NELFA: variants seen among roughly 807,000 people sequenced by gnomAD.
The protein encoded by NELFA is negative elongation factor A.
A neutral mutation model predicts 51.8 loss-of-function variants in NELFA; 35 were observed. The ratio of observed to expected loss-of-function variants is 0.68; its 90% CI spans 0.52 to 0.90. The LOEUF (loss-of-function observed/expected upper bound fraction) is 0.90, where lower values mean the gene tolerates loss of function less well. NELFA is among the 40% of genes least tolerant of loss of function. The pLI is 0.00. For missense variants in NELFA, 658 were observed against 746.4 expected, an observed-to-expected ratio of 0.88 and a Z score of 1.38; for synonymous variants, 417 against 338.4, an observed-to-expected ratio of 1.23 and a Z score of -2.55.
intron 1 of NELFA, chr4:2,007,168 C>A: frequency 4.7e-6 from 2 of 423,166 alleles, no homozygotes; most frequent in Non-Finnish European, 9.7e-6. Flanking sequence ...GATGGTGCCA[C>A]TGCACTCCAG....
intron 1 of NELFA, among the ~76,000 whole-genome samples, chr4:2,003,665 G>A (rs918770646): frequency 2.0e-5 from 3 of 152,094 alleles, no homozygotes; most frequent in Non-Finnish European, 2.9e-5. Context: ...ACTCATAAGT[G>A]GCAGGTAGTT....
chr4:1,994,728 A>G (rs1029487892), intron 1 of NELFA, among the ~76,000 whole-genome samples: 2 of 151,098 alleles, frequency 1.3e-5, no homozygotes, highest in African/African-American at 4.9e-5. Flanking sequence ...GGTGGTGGGC[A>G]CCTGTAGTCC....
In NELFA at chr4:1,987,943, C is replaced by A. The variant is rs201304787; in HGVS notation, c.609G>T (p.Gly203=). 3.1e-6 allele frequency: 5 copies of A among 1,609,218 alleles called. No homozygotes were observed. Among genetic ancestry groups the A allele is most frequent in the African/African-American group, 2.7e-5 (2 of 74,898 alleles). ...AGVPFHAKGR[G]LLRKMDTTTP... is the part of the protein sequence containing the mutation. ...TGGTGGTGTCCATCTTCCGCAGCAG[C>A]CCCCGGCCCTTGGCGTGGAAGGGCA... Residue 203 remains glycine, a synonymous_variant, in exon 4 of 11, where the codon GGG becomes GGT. Transcript: ENST00000382882.
At chr4:1,990,011 G>T in intron 2 of NELFA, 142 bp from the exon 3 acceptor site, 1 of 891,274 alleles carries the variant, frequency 1.1e-6, no homozygotes, top group Non-Finnish European at 1.7e-6. Context: ...AGGTCCTCGA[G>T]ACTGACTCCC....
At chr4:2,005,525 C>G (rs1380011546) in intron 1 of NELFA, among the ~76,000 whole-genome samples, 1 of 152,072 alleles carries the variant, frequency 6.6e-6, no homozygotes, top group East Asian at 1.9e-4. Flanking sequence ...AACCCCATCT[C>G]TACTAAAAAT....
Position 2,008,798 on chromosome 4 carries a change from G to T in NELFA, c.162C>A (p.Leu54=), listed in dbSNP as rs1277993921. The change falls in exon 1 of 11, where the codon CTC becomes CTA. Residue 54 remains leucine, a synonymous_variant. Coordinates refer to ENST00000382882, the MANE Select transcript of NELFA (RefSeq NM_005663.5). ...CFHGLSSAVK[L]KLLLGTLHLP... ...GGTGCAGCGTCCCGAGTAGCAACTT[G>T]AGCTTCACTGCCGACGAGAGGCCAT... The T allele has an allele frequency of 6.2e-7, 1 of 1,612,836 alleles. No homozygotes were observed. The highest frequency in any genetic ancestry group is 2.2e-5 in the East Asian group (1 of 44,820).
rs561564065 is a variant in NELFA, at chr4:1,992,550, C to G, written c.211-835G>C. 260 of 357,846 alleles carry G rather than the reference C, an allele frequency of 7.3e-4. 2 individuals are homozygous for G. Among genetic ancestry groups the G allele is most frequent in the South Asian group, 4.1e-3 (214 of 52,780 alleles). The allele number at this position is 357,846 out of a possible 1,614,324, so 22.2% of individuals were successfully genotyped here. A position where few individuals can be genotyped will look rare whatever the true frequency, so the allele number is the denominator to read the frequency against. On this transcript the variant is annotated intron_variant, in intron 1 of 10. Coordinates refer to ENST00000382882, the MANE Select transcript of NELFA (RefSeq NM_005663.5). The stretch of plus-strand genomic sequence containing the variant: ...TCACAGTGTGAGACAGCTGGGCTGG[C>G]TGGCGCTGGGGGTGAACAACAGCGC...
At chr4:2,005,561 G>A (rs1211309513) in intron 1 of NELFA, among the ~76,000 whole-genome samples, 1 of 152,006 alleles carries the variant, frequency 6.6e-6, no homozygotes, top group Admixed American at 6.6e-5. Context: ...GTGTGGTGGT[G>A]CATGCCTGTA....
intron 1 of NELFA, among the ~76,000 whole-genome samples, chr4:2,004,866 C>T (rs1577631522): frequency 7.0e-6 from 1 of 143,800 alleles, no homozygotes; most frequent in South Asian, 2.2e-4. Flanking sequence ...AGTGCAGTGG[C>T]GCGATCTCAG....
At chr4:2,003,255 T>C (rs756477263) in intron 1 of NELFA, among the ~76,000 whole-genome samples, 5 of 151,984 alleles carry the variant, frequency 3.3e-5, no homozygotes, top group East Asian at 3.9e-4. Context: ...TGTGGAGAAA[T>C]AGGAAGGCTT....
chr4:2,008,164 G>C (rs909200871), intron 1 of NELFA: 1 of 396,666 alleles, frequency 2.5e-6, no homozygotes, highest in Non-Finnish European at 5.0e-6. Flanking sequence ...CAGGTCACCA[G>C]GGCTGCGTCC....
At position 1,986,422 on chromosome 4, in the gene NELFA, A is replaced by AG; in HGVS notation, c.635-21dup. ...GTGGGGCTGGAGGACGGCAACAGTC[A>AG]GGGCGCCAGCAGCAGTGACCGGCAA... On this transcript the variant is annotated intron_variant, in intron 4 of 10. Coordinates refer to ENST00000382882, the MANE Select transcript of NELFA (RefSeq NM_005663.5). The AG allele has an allele frequency of 6.2e-7, 1 of 1,612,554 alleles. No homozygotes were observed. The highest frequency in any genetic ancestry group is 8.5e-7 in the Non-Finnish European group (1 of 1,179,638).
At chr4:1,995,351 T>G (rs1308137155) in intron 1 of NELFA, among the ~76,000 whole-genome samples, 1 of 152,184 alleles carries the variant, frequency 6.6e-6, no homozygotes, top group Non-Finnish European at 1.5e-5. Flanking sequence ...GTGGAACACA[T>G]CCAGCCCAGT....
At chr4:1,992,376 C>A (rs1363581292) in intron 1 of NELFA, 1 of 305,836 alleles carries the variant, frequency 3.3e-6, no homozygotes, top group South Asian at 2.3e-5. Flanking sequence ...GTGGAGGAAG[C>A]AGGCGCACCC....
At chr4:1,999,119 A>G (rs1037572486) in intron 1 of NELFA, among the ~76,000 whole-genome samples, 4 of 152,052 alleles carry the variant, frequency 2.6e-5, no homozygotes, top group African/African-American at 9.7e-5. Context: ...TGTTACCACC[A>G]GCCCCGCCCC....
chr4:1,995,056 C>T (rs1728386099), intron 1 of NELFA, among the ~76,000 whole-genome samples: 1 of 152,196 alleles, frequency 6.6e-6, no homozygotes, highest in African/African-American at 2.4e-5. Context: ...ATAAGACTAA[C>T]ATCTGAATTG....
At chr4:1,994,672 A>T (rs1349470953) in intron 1 of NELFA, among the ~76,000 whole-genome samples, 1 of 151,720 alleles carries the variant, frequency 6.6e-6, no homozygotes, top group Non-Finnish European at 1.5e-5. Context: ...TGGCTAACAC[A>T]GTGAAACCCT....
At chr4:2,006,892 GAC>G (rs1414681837) in intron 1 of NELFA, 4 of 149,522 alleles carry the variant, frequency 2.7e-5, no homozygotes, top group Non-Finnish European at 5.9e-5. Context: ...TAATAAAAAA[GAC>G]ACTCTTACAA....
chr4:1,989,404 T>C lies in NELFA; in HGVS notation c.544+304A>G, dbSNP rs1230677203. Among the ~76,000 whole-genome samples, 4 of 152,214 alleles carry C rather than the reference T, an allele frequency of 2.6e-5. No individual in the cohort carries two copies. The highest frequency in any genetic ancestry group is 4.4e-5 in the Non-Finnish European group (3 of 68,040). Reference sequence around the variant, plus strand: ...GTGTAGTGGTGTGATCACAGCTCACTGCAGCCTCAACCTCGTGGGCTCAGG... The same window carrying C: ...GTGTAGTGGTGTGATCACAGCTCACCGCAGCCTCAACCTCGTGGGCTCAGG... On this transcript the variant is annotated intron_variant, in intron 3 of 10. Transcript: ENST00000382882. The surrounding 1 kb of genome is among the most constrained non-coding windows in gnomAD (Gnocchi z 4.8).
Sources: gnomAD v4.1 joint callset for allele counts (sites outside exome capture counted in the v4.1 genomes callset) on GRCh38, gnomAD v4.1.1 for gene constraint, Gnocchi (gnomAD v3.1) non-coding constraint, MANE v1.5 for transcripts, NCBI Gene and HGNC (gene_info 2026-07-23, HGNC 2026-07-21) for gene names.